The following BLTP1 variants were observed in gnomAD, a reference collection of about 807,000 sequenced individuals.
BLTP1 encodes fragile site-associated protein.
the BLTP1 span, chr4:122,171,898 G>A: frequency 3.8e-5 from 37 of 985,046 alleles, no homozygotes; most frequent in African/African-American, 7.0e-5. Context: ...AAAAGACTAC[G>A]ATTCCTGGCT....
chr4:122,250,617 A>T, the BLTP1 span: 1 of 1,570,096 alleles, frequency 6.4e-7, no homozygotes, highest in South Asian at 1.1e-5. Context: ...CTTTAGAAAA[A>T]TAACAAAGAA....
the BLTP1 span, among the ~76,000 whole-genome samples, chr4:122,168,209 C>T: frequency 6.6e-6 from 1 of 152,150 alleles, no homozygotes; most frequent in Non-Finnish European, 1.5e-5. Context: ...TTGTTTGATA[C>T]TGTAGGGTTT....
chr4:122,168,218 TTCTG>T, the BLTP1 span, among the ~76,000 whole-genome samples: 4 of 152,254 alleles, frequency 2.6e-5, no homozygotes, highest in African/African-American at 4.8e-5. Context: ...ACTGTAGGGT[TTCTG>T]TCTTTACAGC....
At chr4:122,169,520 T>C in the BLTP1 span, 1 of 545,066 alleles carries the variant, frequency 1.8e-6, no homozygotes, top group South Asian at 8.1e-5. Flanking sequence ...GATAGTTTTG[T>C]TATCGGTAGG....
the BLTP1 span, chr4:122,244,644 T>C: frequency 1.0e-6 from 1 of 983,558 alleles, no homozygotes; most frequent in Non-Finnish European, 1.2e-6. Flanking sequence ...AGGGGTTCGG[T>C]GGAAACGAGC....
chr4:122,260,175 C>T, the BLTP1 span, among the ~76,000 whole-genome samples: 1 of 152,222 alleles, frequency 6.6e-6, no homozygotes, highest in Admixed American at 6.5e-5. Flanking sequence ...ATATTACTAT[C>T]CTGAAACCAG....
At chr4:122,199,822 A>G in the BLTP1 span, 2 of 672,202 alleles carry the variant, frequency 3.0e-6, no homozygotes, top group Non-Finnish European at 3.7e-6. Flanking sequence ...CCAGGGTTTA[A>G]ATAATGTAAT....
chr4:122,300,002 C>CAA, the BLTP1 span: 1 of 868,220 alleles, frequency 1.2e-6, no homozygotes, highest in African/African-American at 1.8e-5. Flanking sequence ...TTCCAAAATA[C>CAA]AAATATATAT....
At chr4:122,166,273 G>A in the BLTP1 span, among the ~76,000 whole-genome samples, 3 of 152,146 alleles carry the variant, frequency 2.0e-5, no homozygotes, top group South Asian at 2.1e-4. Flanking sequence ...AAGGGATCCA[G>A]TTTCAGCTTT....
At chr4:122,361,094 C>T in the BLTP1 span, among the ~76,000 whole-genome samples, 1 of 152,166 alleles carries the variant, frequency 6.6e-6, no homozygotes, top group Non-Finnish European at 1.5e-5. Context: ...AGGATCGTTA[C>T]ACTGGTTAAA....
At chr4:122,244,114 A>C in the BLTP1 span, 11 of 1,345,802 alleles carry the variant, frequency 8.2e-6, no homozygotes, top group Non-Finnish European at 1.1e-5. Flanking sequence ...GTTCGTGTAG[A>C]AGATTGTTGA....
At chr4:122,318,814 A>T in the BLTP1 span, among the ~76,000 whole-genome samples, 1 of 152,168 alleles carries the variant, frequency 6.6e-6, no homozygotes, top group South Asian at 2.1e-4. Flanking sequence ...TTCATTTTTT[A>T]AATTAAAGGT....
At chr4:122,152,890 G>A in the BLTP1 span, 5 of 620,836 alleles carry the variant, frequency 8.1e-6, no homozygotes, top group Non-Finnish European at 8.0e-6. Context: ...CGGCAGGAAG[G>A]ACCGTGCACC....
the BLTP1 span, chr4:122,264,180 C>A: frequency 7.0e-7 from 1 of 1,425,290 alleles, no homozygotes. Context: ...AAAAGTTTAC[C>A]CTGCTGTACA....
At chr4:122,199,514 A>C in the BLTP1 span, 2 of 1,390,604 alleles carry the variant, frequency 1.4e-6, no homozygotes, top group Admixed American at 3.5e-5. Flanking sequence ...TAATTTTCTT[A>C]TATTAAGTTT....
the BLTP1 span, chr4:122,221,129 G>C: frequency 1.2e-6 from 1 of 819,046 alleles, no homozygotes; most frequent in Non-Finnish European, 1.5e-6. Flanking sequence ...ACAAGACAAA[G>C]TAAAATTATA....
chr4:122,187,509 C>A, the BLTP1 span: 17 of 1,610,638 alleles, frequency 1.1e-5, no homozygotes, highest in Non-Finnish European at 1.4e-5. Flanking sequence ...TCAATGTGAG[C>A]ACAGTAAGTA....
chr4:122,294,447 G>A, the BLTP1 span, among the ~76,000 whole-genome samples: 1 of 152,172 alleles, frequency 6.6e-6, no homozygotes, highest in African/African-American at 2.4e-5. Flanking sequence ...GATACCTGGT[G>A]CAGGAGGAAC....
chr4:122,229,386 C>A, the BLTP1 span: 5 of 575,334 alleles, frequency 8.7e-6, no homozygotes, highest in Non-Finnish European at 1.4e-5. Flanking sequence ...TTTTACTAAT[C>A]CATGTTCTCT....
Sources: gnomAD v4.1 joint callset for allele counts (sites outside exome capture counted in the v4.1 genomes callset) on GRCh38, gnomAD v4.1.1 for gene constraint, MANE v1.5 for transcripts, NCBI Gene and HGNC (gene_info 2026-07-23, HGNC 2026-07-21) for gene names.